ZNF34: variants seen among roughly 807,000 people sequenced by gnomAD.
The protein encoded by ZNF34 is zinc finger protein 34.
ZNF34 carries 8 observed loss-of-function variants against 14.4 expected under a neutral mutation model. That is an observed-to-expected ratio of 0.55 (90% confidence interval 0.33 to 1.00). ZNF34 has a LOEUF of 1.00. Ranked by LOEUF, ZNF34 falls within the 50% of genes least tolerant of loss-of-function variation. ZNF34 has a pLI of 0.03. For synonymous variants in ZNF34, 235 were observed against 247.9 expected, an observed-to-expected ratio of 0.95 and a Z score of 0.49; for missense variants, 538 against 674.2, an observed-to-expected ratio of 0.80 and a Z score of 2.24.
At chr8:144,783,534 A>G (rs1826030604) in intron 1 of ZNF34, among the ~76,000 whole-genome samples, 1 of 152,254 alleles carries the variant, frequency 6.6e-6, no homozygotes, top group African/African-American at 2.4e-5. Flanking sequence ...GCCATATACA[A>G]GGTCAACAGA....
chr8:144,786,930 A>C (rs567375558), intron 1 of ZNF34, among the ~76,000 whole-genome samples: 1 of 151,996 alleles, frequency 6.6e-6, no homozygotes, highest in African/African-American at 2.4e-5. Context: ...CGGGATGGGA[A>C]GCCTCGGGCC....
intron 1 of ZNF34, among the ~76,000 whole-genome samples, chr8:144,782,446 C>T (rs920414170): frequency 3.3e-5 from 5 of 151,512 alleles, no homozygotes; most frequent in Non-Finnish European, 5.9e-5. Context: ...GTTGAGATTA[C>T]ATCACTGCAC....
Position 144,778,183 on chromosome 8 carries a change from C to T in ZNF34, c.34-19G>A, listed in dbSNP as rs781614663. On this transcript the variant is annotated intron_variant, in intron 3 of 5. Transcript: ENST00000429371. ...CCTCGGCCTGGAATGACAGGGACTA[C>T]TGCAGCCCAGGTGTGGTCCAGAGTG... 3.7e-6 allele frequency: 6 copies of T among 1,603,986 alleles called. No homozygotes were observed. The highest frequency in any genetic ancestry group is 5.1e-6 in the Non-Finnish European group (6 of 1,174,940).
intron 1 of ZNF34, among the ~76,000 whole-genome samples, chr8:144,782,566 G>C (rs922024537): frequency 6.6e-6 from 1 of 150,846 alleles, no homozygotes; most frequent in Non-Finnish European, 1.5e-5. Context: ...GGCCGGGCAC[G>C]GTGGCTCACG....
At chr8:144,786,325 TAGGTTTGTAG>T (rs1288959493) in intron 1 of ZNF34, among the ~76,000 whole-genome samples, 5 of 150,516 alleles carry the variant, frequency 3.3e-5, no homozygotes, top group African/African-American at 1.2e-4. Flanking sequence ...AAAACAGTAT[TAGGTTTGTAG>T]AGATATAAGA....
Position 144,777,908 on chromosome 8 carries a change from G to C in ZNF34, c.160+130C>G. The C allele has an allele frequency of 1.5e-6, 2 of 1,376,146 alleles. No homozygotes were observed. Among genetic ancestry groups the C allele is most frequent in the Non-Finnish European group, 2.0e-6 (2 of 1,004,348 alleles). 85.2% of individuals were successfully genotyped at this position (1,376,146 alleles called of 1,614,324 possible). A position where few individuals can be genotyped will look rare whatever the true frequency, so the allele number is the denominator to read the frequency against. On this transcript the variant is annotated intron_variant, in intron 4 of 5. Coordinates refer to ENST00000429371, the MANE Select transcript of ZNF34 (RefSeq NM_001286769.2). This position sits in a 1 kb window ranked among gnomAD's most constrained non-coding sequence, Gnocchi z 4.8. The stretch of plus-strand genomic sequence containing the variant: ...CACTGCTCTTCCCCTCATCTTCTCA[G>C]ATCAGGTGCCTGCCTGGGATAAAGG...
In ZNF34 at chr8:144,777,788, C is replaced by G. The variant is rs1269978340; in HGVS notation, c.161-211G>C. ...GTTCCCTCCACTAGGAGGTATGCAA[C>G]TCCGCCCCCCCGGTGTCCCCCGCCC... On this transcript the variant is annotated intron_variant, in intron 4 of 5. Coordinates refer to ENST00000429371, the MANE Select transcript of ZNF34 (RefSeq NM_001286769.2). The surrounding 1 kb of genome is among the most constrained non-coding windows in gnomAD (Gnocchi z 4.8). 6.6e-6 allele frequency among the ~76,000 whole-genome samples: 1 copy of G among 152,054 alleles called. No individual in the cohort carries two copies. Among genetic ancestry groups the G allele is most frequent in the Non-Finnish European group, 1.5e-5 (1 of 67,970 alleles).
Position 144,773,986 on chromosome 8 carries a change from G to C in ZNF34, c.900C>G (p.Asn300Lys). 1 of 1,614,122 alleles carries C rather than the reference G, an allele frequency of 6.2e-7. No homozygotes were observed. Among genetic ancestry groups the C allele is most frequent in the Non-Finnish European group, 8.5e-7 (1 of 1,180,010 alleles). ...ECGKTFTRRP[N>K]LMKHQRIHTG... ...TGTGAATCCTCTGGTGCTTCATGAGGTTGGGCCTCCGGGTGAATGTCTTCC... is the reference window on the plus strand; with the variant it reads ...TGTGAATCCTCTGGTGCTTCATGAGCTTGGGCCTCCGGGTGAATGTCTTCC... The change falls in exon 6 of 6, where the codon AAC becomes AAG. Residue 300 changes from asparagine to lysine, a missense_variant. Asn to Lys is a moderately conservative substitution (Grantham distance 94, BLOSUM62 0). Transcript: ENST00000429371. This position sits in a 1 kb window ranked among gnomAD's most constrained non-coding sequence, Gnocchi z 5.4.
rs1276575902 is a variant in ZNF34 at position 144,774,325 on chromosome 8, T to C, written c.561A>G (p.Ser187=). The C allele has an allele frequency of 1.2e-6, 2 of 1,612,430 alleles. No individual in the cohort carries two copies. The highest frequency in any genetic ancestry group is 1.7e-6 in the Non-Finnish European group (2 of 1,179,062). ...GTACACGCTTATGGTTGTTGAGATA[T>C]GATCTCTGTTCAAAACTTTGCTCAC... is the stretch of plus-strand genomic sequence containing the variant. ...DICEQSFEQR[S]YLNNHKRVHR... The change falls in exon 6 of 6, where the codon TCA becomes TCG. Residue 187 remains serine (S), a synonymous_variant. Transcript: ENST00000429371.
At chr8:144,787,019 G>A (rs1015715883) in intron 1 of ZNF34, among the ~76,000 whole-genome samples, 2 of 152,188 alleles carry the variant, frequency 1.3e-5, no homozygotes, top group African/African-American at 4.8e-5. Flanking sequence ...CCCCGCGTGG[G>A]GCAAGGGAGT....
intron 1 of ZNF34, among the ~76,000 whole-genome samples, chr8:144,782,715 T>C (rs1476003100): frequency 6.6e-6 from 1 of 150,806 alleles, no homozygotes; most frequent in Non-Finnish European, 1.5e-5. Context: ...CATGTGCCTG[T>C]AGTCCCAGCT....
At position 144,778,096 on chromosome 8, in the gene ZNF34, A is replaced by G. The variant is rs1825639601; in HGVS notation, c.102T>C (p.Ala34=). 2 of 1,613,900 alleles carry G rather than the reference A, an allele frequency of 1.2e-6. No homozygotes were observed. The highest frequency in any genetic ancestry group is 1.3e-5 in the African/African-American group (1 of 74,922). The change falls in exon 4 of 6, where the codon GCT becomes GCC. Residue 34 remains alanine, a synonymous_variant. Transcript: ENST00000429371. ...TCACGTCCCTGTAGAGGCCCCTCTG[A>G]GCAGGGCCCAGGCGGCCCCATTCCT... is the stretch of plus-strand genomic sequence containing the variant. ...SREEWGRLGP[A]QRGLYRDVML... is the part of the protein sequence containing the mutation.
chr8:144,786,175 A>C (rs1186559544), intron 1 of ZNF34, among the ~76,000 whole-genome samples: 1 of 151,166 alleles, frequency 6.6e-6, no homozygotes, highest in Non-Finnish European at 1.5e-5. Context: ...TTTAGTAGAG[A>C]CGGGGTTTCA....
chr8:144,774,718 C>T, intron 5 of ZNF34, 113 bp from the exon 6 acceptor site: 3 of 1,295,272 alleles, frequency 2.3e-6, no homozygotes, highest in Non-Finnish European at 3.2e-6. Context: ...AAAGTCCCAA[C>T]AGCCTTGCAA....
At chr8:144,778,615 C>T (rs2130254781) in intron 2 of ZNF34, 90 bp from the exon 3 acceptor site, 1 of 1,038,856 alleles carries the variant, frequency 9.6e-7, no homozygotes, top group South Asian at 1.9e-5. Context: ...ACAGCCCTGC[C>T]TGCCTCACTG....
chr8:144,785,106 C>CAAAAAAAAAA (rs749277788), intron 1 of ZNF34, among the ~76,000 whole-genome samples: 2 of 50,060 alleles, frequency 4.0e-5, no homozygotes, highest in Non-Finnish European at 7.8e-5. Context: ...CAGACCCTGC[C>CAAAAAAAAAA]AAAAAAAAAA....
chr8:144,780,322 T>C, intron 1 of ZNF34, 42 bp from the exon 2 acceptor site: 1 of 1,447,834 alleles, frequency 6.9e-7, no homozygotes, highest in East Asian at 2.5e-5. Flanking sequence ...TTAGTTAATA[T>C]TAGATCAAAC....
chr8:144,773,686 A>C lies in ZNF34; in HGVS notation c.1200T>G (p.Cys400Trp). 1 of 1,613,860 alleles carries C rather than the reference A, an allele frequency of 6.2e-7. No homozygotes were observed. Among genetic ancestry groups the C allele is most frequent in the Non-Finnish European group, 8.5e-7 (1 of 1,179,914 alleles). ...RIHTGEKPYK[C>W]NECEKAFIQK... ...GAATGAAAGCTTTCTCACATTCATT[A>C]CATTTATAGGGTTTCTCTCCAGTGT... Residue 400 changes from cysteine to tryptophan, a missense_variant, in exon 6 of 6, where the codon TGT (cysteine) becomes TGG (tryptophan). Cys to Trp is a radical substitution (Grantham distance 215). Around this residue, in one of 3 missense-constraint regions of ZNF34, gnomAD observed 431 missense variants for 525.7 expected, o/e 0.82. Coordinates refer to ENST00000429371, the MANE Select transcript of ZNF34 (RefSeq NM_001286769.2). The surrounding 1 kb of genome is among the most constrained non-coding windows in gnomAD (Gnocchi z 5.4).
rs1442631083 is a variant in ZNF34, at chr8:144,773,096, A to G, written c.*170T>C. 1 of 715,028 alleles carries G rather than the reference A, an allele frequency of 1.4e-6. No individual in the cohort carries two copies. Among genetic ancestry groups the G allele is most frequent in the Non-Finnish European group, 2.1e-6 (1 of 483,094 alleles). The allele number at this position is 715,028 out of a possible 1,614,324, so 44.3% of individuals were successfully genotyped here. A position where few individuals can be genotyped will look rare whatever the true frequency, so the allele number is the denominator to read the frequency against. On this transcript the variant is annotated 3_prime_UTR_variant, in exon 6 of 6. Coordinates refer to ENST00000429371, the MANE Select transcript of ZNF34 (RefSeq NM_001286769.2). The surrounding 1 kb of genome is among the most constrained non-coding windows in gnomAD (Gnocchi z 5.4). Reference sequence around the variant, plus strand: ...CCCACTTTTCTGTCTCAATTTCTCTAAAATGAACATGCACTGCTTTTGATT... The same window carrying G: ...CCCACTTTTCTGTCTCAATTTCTCTGAAATGAACATGCACTGCTTTTGATT...
Sources: allele counts gnomAD v4.1 joint callset (sites outside exome capture counted in the v4.1 genomes callset), GRCh38; gene constraint gnomAD v4.1.1; regional missense constraint gnomAD v4.1.1; non-coding constraint Gnocchi (gnomAD v3.1); transcripts MANE v1.5; gene names NCBI Gene and HGNC (gene_info 2026-07-23, HGNC 2026-07-21).